The following IKZF2 variants were observed in gnomAD, a reference collection of about 807,000 sequenced individuals.
IKZF2 encodes the protein IKAROS family zinc finger 2, also known as zinc finger protein Helios.
In IKZF2, 15 loss-of-function variants were observed where a neutral mutation model predicts 49.2. The observed-to-expected ratio is 0.30, with a 90% CI of 0.20 to 0.47. IKZF2 has a LOEUF of 0.47. IKZF2 is among the 20% of genes least tolerant of loss of function. IKZF2 has a pLI of 1.00. For synonymous variants in IKZF2, 227 were observed against 221.4 expected, an observed-to-expected ratio of 1.03 and a Z score of -0.23; for missense variants, 567 against 664.6, an observed-to-expected ratio of 0.85 and a Z score of 1.61.
At chr2:213,063,548 C>A (rs544482188) in intron 4 of IKZF2, among the ~76,000 whole-genome samples, 47 of 151,734 alleles carry the variant, frequency 3.1e-4, no homozygotes, top group African/African-American at 1.1e-3. Flanking sequence ...ATTTAGAATC[C>A]TTTTAATGAT....
chr2:213,013,468 C>A (rs1241180894), intron 8 of IKZF2, among the ~76,000 whole-genome samples: 1 of 151,442 alleles, frequency 6.6e-6, no homozygotes. Flanking sequence ...ACAAAACTGG[C>A]CAATAGGCTG....
chr2:213,127,175 T>C (rs1267404388), intron 4 of IKZF2, among the ~76,000 whole-genome samples: 3 of 152,222 alleles, frequency 2.0e-5, no homozygotes, highest in Non-Finnish European at 2.9e-5. Context: ...TTTCTTATTA[T>C]TCATTAGCTA....
intron 4 of IKZF2, among the ~76,000 whole-genome samples, chr2:213,093,498 T>C (rs1705592710): frequency 6.6e-6 from 1 of 152,202 alleles, no homozygotes; most frequent in South Asian, 2.1e-4. Flanking sequence ...ATCGTCAATA[T>C]AAACTAAGGA....
At chr2:213,065,615 T>C (rs1702091575) in intron 4 of IKZF2, among the ~76,000 whole-genome samples, 1 of 152,068 alleles carries the variant, frequency 6.6e-6, no homozygotes, top group Admixed American at 6.6e-5. Context: ...GCGTTATATA[T>C]ATCAACTGAA....
chr2:213,137,129 T>C (rs948859645), intron 4 of IKZF2, among the ~76,000 whole-genome samples: 2 of 152,094 alleles, frequency 1.3e-5, no homozygotes, highest in African/African-American at 4.8e-5. Context: ...TTTTTGTTTT[T>C]ATTTCCAAAA....
chr2:213,106,377 G>A (rs947639694), intron 4 of IKZF2, among the ~76,000 whole-genome samples: 6 of 151,846 alleles, frequency 4.0e-5, no homozygotes, highest in South Asian at 2.1e-4. Context: ...AATGGTTCAC[G>A]TCTATAATCC....
chr2:213,001,790 G>C lies in IKZF2; in HGVS notation c.*5570C>G, dbSNP rs941674400. ...TTTAAGAGATAACAGAGAGACCTTT[G>C]TTACACAGAAAGGGAAGGGAGTTAT... On this transcript the variant is annotated 3_prime_UTR_variant, in exon 9 of 9. Transcript: ENST00000434687. 1 of 151,524 alleles carries C rather than the reference G, an allele frequency of 6.6e-6. No individual in the cohort carries two copies. The highest frequency in any genetic ancestry group is 2.4e-5 in the African/African-American group (1 of 41,316). The allele number at this position is 151,524 out of a possible 1,614,324, so 9.4% of individuals were successfully genotyped here.
intron 4 of IKZF2, among the ~76,000 whole-genome samples, chr2:213,106,204 C>A (rs900488494): frequency 3.3e-5 from 5 of 151,204 alleles, no homozygotes; most frequent in Admixed American, 1.3e-4. Context: ...ATTTACATAT[C>A]TTTAAAATCA....
chr2:213,140,054 A>G (rs2060812143), intron 4 of IKZF2, among the ~76,000 whole-genome samples: 1 of 151,968 alleles, frequency 6.6e-6, no homozygotes, highest in Non-Finnish European at 1.5e-5. Context: ...AATGCATCAT[A>G]CACAGTAAGT....
At chr2:213,038,696 A>T (rs1699303781) in intron 6 of IKZF2, among the ~76,000 whole-genome samples, 1 of 152,210 alleles carries the variant, frequency 6.6e-6, no homozygotes, top group Non-Finnish European at 1.5e-5. Context: ...AGAAGGGAAG[A>T]TAATTTAAAT....
intron 7 of IKZF2, among the ~76,000 whole-genome samples, chr2:213,020,476 T>A (rs564013876): frequency 9.9e-5 from 15 of 152,118 alleles, no homozygotes; most frequent in African/African-American, 3.6e-4. Context: ...GACGCACCAT[T>A]TTGTAATCTC....
chr2:213,103,799 A>G (rs1337112784), intron 4 of IKZF2, among the ~76,000 whole-genome samples: 1 of 37,348 alleles, frequency 2.7e-5, no homozygotes, highest in African/African-American at 1.4e-4. Flanking sequence ...CAACTGTTAC[A>G]GAAATAAAGC....
chr2:213,138,594 A>G (rs953579255), intron 4 of IKZF2, among the ~76,000 whole-genome samples: 8 of 152,036 alleles, frequency 5.3e-5, no homozygotes, highest in African/African-American at 1.9e-4. Flanking sequence ...CAATGCATAC[A>G]ATGCATATGC....
At chr2:213,143,902 G>T (rs560238017) in intron 4 of IKZF2, among the ~76,000 whole-genome samples, 2 of 151,988 alleles carry the variant, frequency 1.3e-5, no homozygotes, top group South Asian at 4.1e-4. Context: ...CCCTGAGAAG[G>T]TGACATTGTA....
At chr2:213,063,713 T>C (rs1354431308) in intron 4 of IKZF2, among the ~76,000 whole-genome samples, 3 of 152,048 alleles carry the variant, frequency 2.0e-5, no homozygotes, top group South Asian at 4.1e-4. Flanking sequence ...ATTGAAAGGA[T>C]ACAAGTTAGT....
intron 4 of IKZF2, among the ~76,000 whole-genome samples, chr2:213,080,664 A>G (rs1559247687): frequency 6.6e-6 from 1 of 152,218 alleles, no homozygotes; most frequent in Non-Finnish European, 1.5e-5. Context: ...GTAAATTTTC[A>G]TGTATCTAGT....
At chr2:213,044,937 C>T (rs1049831569) in intron 6 of IKZF2, among the ~76,000 whole-genome samples, 13 of 152,168 alleles carry the variant, frequency 8.5e-5, no homozygotes, top group African/African-American at 3.1e-4. Context: ...TTCTCCCTCC[C>T]CCTCAACAAC....
intron 4 of IKZF2, among the ~76,000 whole-genome samples, chr2:213,087,780 C>T (rs1225083951): frequency 1.3e-5 from 2 of 152,292 alleles, no homozygotes; most frequent in South Asian, 4.2e-4. Flanking sequence ...CGATAGTTTG[C>T]TCATAATGAT....
intron 4 of IKZF2, among the ~76,000 whole-genome samples, chr2:213,074,925 A>T (rs1703095553): frequency 6.6e-6 from 1 of 152,196 alleles, no homozygotes; most frequent in Non-Finnish European, 1.5e-5. Context: ...ACAAGCATGG[A>T]TCCTGAAAAG....
Sources: gnomAD v4.1 joint callset for allele counts (sites outside exome capture counted in the v4.1 genomes callset) on GRCh38, gnomAD v4.1.1 for gene constraint, MANE v1.5 for transcripts, NCBI Gene and HGNC (gene_info 2026-07-23, HGNC 2026-07-21) for gene names.